Variants in CACNG3 observed in about 807,000 individuals in gnomAD.
CACNG3 encodes the protein calcium voltage-gated channel auxiliary subunit gamma 3, also known as voltage-dependent calcium channel gamma-3 subunit.
In CACNG3, 3 loss-of-function variants were observed where a neutral mutation model predicts 28.5. The observed-to-expected ratio is 0.11, with a 90% CI of 0.05 to 0.27. The LOEUF (loss-of-function observed/expected upper bound fraction) is 0.27. Among genes scored for constraint, CACNG3 ranks in the 10% least tolerant of loss-of-function variants. CACNG3 has a pLI of 1.00. For missense variants in CACNG3, 236 were observed against 414.4 expected, an observed-to-expected ratio of 0.57 and a Z score of 3.74; for synonymous variants, 174 against 162.2, an observed-to-expected ratio of 1.07 and a Z score of -0.55.
chr16:24,350,112 A>C (rs951828748), intron 2 of CACNG3, among the ~76,000 whole-genome samples: 11 of 152,192 alleles, frequency 7.2e-5, no homozygotes, highest in African/African-American at 2.7e-4. Context: ...GGGCTAAAAC[A>C]AATGCAAGGT....
At chr16:24,351,926 C>T (rs892545128) in intron 2 of CACNG3, among the ~76,000 whole-genome samples, 2 of 149,762 alleles carry the variant, frequency 1.3e-5, no homozygotes, top group Non-Finnish European at 3.0e-5. Flanking sequence ...CGCCATTCTC[C>T]TGCCTCAGCC....
intron 1 of CACNG3, among the ~76,000 whole-genome samples, chr16:24,312,916 GAAGGAAGAAAGAAAGA>G (rs981398676): frequency 2.3e-5 from 1 of 43,170 alleles, no homozygotes; most frequent in Admixed American, 2.4e-4. Context: ...AGGAAGGAAG[GAAGGAAGAAAGAAAGA>G]AAGAAAGAAA....
At chr16:24,358,619 G>A (rs1449326780) in intron 3 of CACNG3, among the ~76,000 whole-genome samples, 2 of 152,290 alleles carry the variant, frequency 1.3e-5, no homozygotes, top group East Asian at 1.9e-4. Flanking sequence ...AAGGAGATAA[G>A]CCTAGTCCCT....
intron 2 of CACNG3, among the ~76,000 whole-genome samples, chr16:24,352,530 GTTGTTTGTTTGT>G (rs60365846): frequency 1.3e-5 from 2 of 150,806 alleles, no homozygotes; most frequent in African/African-American, 2.5e-5. Flanking sequence ...TTTTGTTGTT[GTTGTTTGTTTGT>G]TTGTTTGTTT....
At chr16:24,276,713 A>T (rs948337366) in intron 1 of CACNG3, among the ~76,000 whole-genome samples, 4 of 152,234 alleles carry the variant, frequency 2.6e-5, no homozygotes, top group Non-Finnish European at 5.9e-5. Flanking sequence ...GTCTTTGATT[A>T]AAATGCAACC....
intron 1 of CACNG3, among the ~76,000 whole-genome samples, chr16:24,312,948 A>AAAG (rs1567216086): frequency 1.2e-5 from 1 of 86,720 alleles, no homozygotes; most frequent in Non-Finnish European, 2.3e-5. Flanking sequence ...AGAAAGAAAG[A>AAAG]AAGAAAGAGA....
At chr16:24,354,684 G>A (rs1567226164) in intron 2 of CACNG3, 149 bp from the exon 3 acceptor site, 3 of 718,670 alleles carry the variant, frequency 4.2e-6, no homozygotes, top group Admixed American at 2.5e-5. Context: ...CTAAGCACAG[G>A]CCCTGAGCGC....
At chr16:24,344,535 G>T (rs957457956) in intron 1 of CACNG3, among the ~76,000 whole-genome samples, 1 of 152,142 alleles carries the variant, frequency 6.6e-6, no homozygotes, top group Admixed American at 6.6e-5. Flanking sequence ...AACCAAACAG[G>T]CATATATAAA....
chr16:24,332,108 G>T (rs1899638378), intron 1 of CACNG3, among the ~76,000 whole-genome samples: 1 of 152,164 alleles, frequency 6.6e-6, no homozygotes, highest in African/African-American at 2.4e-5. Flanking sequence ...AATTTCAAGT[G>T]CTGGAAACAG....
intron 3 of CACNG3, among the ~76,000 whole-genome samples, chr16:24,357,232 TAA>T (rs36102827): frequency 0.4 from 44,801 of 112,578 alleles, 9,132 homozygotes; most frequent in African/African-American, 0.58. Context: ...CACTCCATCT[TAA>T]AAAAAAAAAA....
intron 2 of CACNG3, among the ~76,000 whole-genome samples, chr16:24,351,462 C>T (rs1487953134): frequency 6.6e-6 from 1 of 151,696 alleles, no homozygotes; most frequent in Non-Finnish European, 1.5e-5. Context: ...GTCCCAGCTA[C>T]TCGGGAAGCT....
intron 1 of CACNG3, among the ~76,000 whole-genome samples, chr16:24,309,814 G>T (rs183542676): frequency 4.6e-5 from 7 of 152,192 alleles, no homozygotes; most frequent in Non-Finnish European, 7.3e-5. Context: ...AGGGCGTGGC[G>T]CATGCTAAGG....
chr16:24,310,745 G>A (rs1899250027), intron 1 of CACNG3, among the ~76,000 whole-genome samples: 1 of 152,150 alleles, frequency 6.6e-6, no homozygotes, highest in African/African-American at 2.4e-5. Flanking sequence ...CTCACCCAAG[G>A]TCACATACCT....
chr16:24,296,536 TG>T (rs3837784), intron 1 of CACNG3, among the ~76,000 whole-genome samples: 51,681 of 151,972 alleles, frequency 0.34, 9,593 homozygotes, highest in Non-Finnish European at 0.42. Flanking sequence ...GAGGAAGGTC[TG>T]GGCTTGCTGG....
Position 24,361,553 on chromosome 16 carries a change from C to T in CACNG3, c.638C>T (p.Ser213Leu). 6 of 1,614,082 alleles carry T rather than the reference C, an allele frequency of 3.7e-6. No individual in the cohort carries two copies. Among genetic ancestry groups the T allele is most frequent in the South Asian group, 1.1e-5 (1 of 91,070 alleles). The change falls in exon 4 of 4, where the codon TCG becomes TTG. Residue 213 changes from serine to leucine, a missense_variant. Ser to Leu is a moderately radical substitution (Grantham distance 145). Coordinates refer to ENST00000005284, the MANE Select transcript of CACNG3 (RefSeq NM_006539.4). The surrounding 1 kb of genome is among the most constrained non-coding windows in gnomAD (Gnocchi z 6.8). Reference protein sequence around the residue: ...KHQQLRAKSHSEFLKKSTFAR... With the variant: ...KHQQLRAKSHLEFLKKSTFAR... ...CAGCAGTTACGAGCCAAATCCCACT[C>T]GGAGTTCCTGAAGAAATCTACTTTT... is the stretch of plus-strand genomic sequence containing the variant.
chr16:24,328,070 A>T (rs143414614), intron 1 of CACNG3, among the ~76,000 whole-genome samples: 5 of 152,322 alleles, frequency 3.3e-5, no homozygotes, highest in African/African-American at 1.2e-4. Context: ...GGTGAGCAAG[A>T]CAGAGATGCT....
At chr16:24,339,002 T>C (rs1286155956) in intron 1 of CACNG3, among the ~76,000 whole-genome samples, 1 of 152,220 alleles carries the variant, frequency 6.6e-6, no homozygotes, top group Non-Finnish European at 1.5e-5. Flanking sequence ...TCATTAACCT[T>C]CAGGTCTCAG....
At chr16:24,329,770 C>T (rs1899607892) in intron 1 of CACNG3, among the ~76,000 whole-genome samples, 1 of 152,182 alleles carries the variant, frequency 6.6e-6, no homozygotes. Context: ...CACAGTGGCT[C>T]ACGCCTGTAA....
At chr16:24,346,355 T>A (rs1305768150) in intron 1 of CACNG3, among the ~76,000 whole-genome samples, 1 of 152,178 alleles carries the variant, frequency 6.6e-6, no homozygotes, top group Non-Finnish European at 1.5e-5. Context: ...GGAGGATCGC[T>A]TGTGGCCAGG....
Sources: gnomAD v4.1 joint callset for allele counts (sites outside exome capture counted in the v4.1 genomes callset) on GRCh38, gnomAD v4.1.1 for gene constraint, Gnocchi (gnomAD v3.1) non-coding constraint, MANE v1.5 for transcripts, NCBI Gene and HGNC (gene_info 2026-07-23, HGNC 2026-07-21) for gene names.